Variants in SPRR2G observed in about 807,000 individuals in gnomAD.
The protein encoded by SPRR2G is small proline rich protein 2G.
In SPRR2G, 1 loss-of-function variant was observed where a neutral mutation model predicts 0.7. The ratio of observed to expected loss-of-function variants is 1.49; its 90% CI spans 0.53 to 7.06. The LOEUF is 7.06. SPRR2G is among the 30% of genes most tolerant of loss of function. The pLI, the probability that SPRR2G is intolerant of heterozygous loss-of-function variation, is 0.14. For missense variants in SPRR2G, 96 were observed against 88.5 expected, an observed-to-expected ratio of 1.09 and a Z score of -0.34; for synonymous variants, 38 against 33.9, an observed-to-expected ratio of 1.12 and a Z score of -0.42.
chr1:153,185,256 T>C, the SPRR2G span, among the ~76,000 whole-genome samples: 3 of 152,160 alleles, frequency 2.0e-5, no homozygotes, highest in Non-Finnish European at 4.4e-5. Flanking sequence ...TTTTCTATTG[T>C]TTGGAATAGT....
chr1:153,167,329 C>G, the SPRR2G span, among the ~76,000 whole-genome samples: 67 of 152,130 alleles, frequency 4.4e-4, no homozygotes, highest in Middle Eastern at 3.4e-3. Flanking sequence ...ACAAAATTAG[C>G]CAGGCGTGGT....
At chr1:153,168,899 A>AGTGTGTGT in the SPRR2G span, among the ~76,000 whole-genome samples, 175 of 91,036 alleles carry the variant, frequency 1.9e-3, 2 homozygotes, top group African/African-American at 6.4e-3. Context: ...TGTACTCATG[A>AGTGTGTGT]GTGTATGTGT....
the SPRR2G span, among the ~76,000 whole-genome samples, chr1:153,196,630 T>C: frequency 2.6e-5 from 4 of 152,172 alleles, no homozygotes; most frequent in Non-Finnish European, 5.9e-5. Flanking sequence ...CTTGTAAAGC[T>C]GGTTAAGAAA....
chr1:153,155,270 A>T (rs918240338), upstream of SPRR2G, among the ~76,000 whole-genome samples: 12 of 152,116 alleles, frequency 7.9e-5, no homozygotes, highest in African/African-American at 2.9e-4. Flanking sequence ...TCAAGTACCA[A>T]CAAGCTGATC....
the SPRR2G span, among the ~76,000 whole-genome samples, chr1:153,192,573 A>G: frequency 6.6e-6 from 1 of 152,130 alleles, no homozygotes; most frequent in Non-Finnish European, 1.5e-5. Context: ...CCTAGTCAAG[A>G]TTATAGGTTC....
chr1:153,163,633 C>G, the SPRR2G span, among the ~76,000 whole-genome samples: 1 of 152,180 alleles, frequency 6.6e-6, no homozygotes, highest in Non-Finnish European at 1.5e-5. Flanking sequence ...ATCCTCTTAA[C>G]CTTGGCATTC....
At chr1:153,161,080 C>T in the SPRR2G span, among the ~76,000 whole-genome samples, 229 of 129,856 alleles carry the variant, frequency 1.8e-3, 1 homozygote, top group African/African-American at 6.4e-3. Flanking sequence ...ATCACACACC[C>T]GGGCCTGTTG....
the SPRR2G span, among the ~76,000 whole-genome samples, chr1:153,157,333 GAT>G: frequency 1.3e-5 from 2 of 152,166 alleles, no homozygotes; most frequent in Admixed American, 1.3e-4. Context: ...GAAAGGATAT[GAT>G]ATTTGGAACT....
chr1:153,153,481 AT>A (rs1314635261), upstream of SPRR2G, among the ~76,000 whole-genome samples: 33 of 152,314 alleles, frequency 2.2e-4, no homozygotes, highest in Non-Finnish European at 1.9e-4. Flanking sequence ...TGCAAATAAA[AT>A]AAATAGTAAG....
the SPRR2G span, among the ~76,000 whole-genome samples, chr1:153,164,271 G>A: frequency 6.6e-6 from 1 of 152,156 alleles, no homozygotes; most frequent in Non-Finnish European, 1.5e-5. Flanking sequence ...CTGACTGATA[G>A]GCTGGCTCAG....
At chr1:153,154,862 C>T (rs1481937952), upstream of SPRR2G, among the ~76,000 whole-genome samples, 1 of 152,170 alleles carries the variant, frequency 6.6e-6, no homozygotes, top group African/African-American at 2.4e-5. Flanking sequence ...AGCCCACCAT[C>T]TACTGAAATT....
the SPRR2G span, among the ~76,000 whole-genome samples, chr1:153,189,538 G>C: frequency 6.6e-6 from 1 of 152,014 alleles, no homozygotes; most frequent in Admixed American, 6.6e-5. Flanking sequence ...TAGAACCATA[G>C]AAAATATTAT....
chr1:153,176,091 G>A, the SPRR2G span: 1 of 152,132 alleles, frequency 6.6e-6, no homozygotes, highest in Non-Finnish European at 1.5e-5. Context: ...TTACAGTCCG[G>A]TTCATTTCTC....
At chr1:153,150,425 A>G (rs1402144363) in intron 1 of SPRR2G, among the ~76,000 whole-genome samples, 2 of 152,192 alleles carry the variant, frequency 1.3e-5, no homozygotes, top group Non-Finnish European at 2.9e-5. Context: ...CAGATATTAA[A>G]AGTCTAGCCA....
chr1:153,198,547 G>A, the SPRR2G span, among the ~76,000 whole-genome samples: 1 of 152,144 alleles, frequency 6.6e-6, no homozygotes, highest in African/African-American at 2.4e-5. Flanking sequence ...TGTGGCTCAG[G>A]AGGTAGAATC....
At chr1:153,151,292 G>T (rs1557933702), upstream of SPRR2G, among the ~76,000 whole-genome samples, 1 of 152,162 alleles carries the variant, frequency 6.6e-6, no homozygotes, top group Non-Finnish European at 1.5e-5. Context: ...CTGCAGCCTG[G>T]CTATATCCTA....
At chr1:153,185,702 T>A in the SPRR2G span, among the ~76,000 whole-genome samples, 2 of 152,190 alleles carry the variant, frequency 1.3e-5, no homozygotes, top group African/African-American at 4.8e-5. Flanking sequence ...GTTTTTCATG[T>A]CTCTATCTCC....
At chr1:153,156,128 C>T in the SPRR2G span, among the ~76,000 whole-genome samples, 2 of 152,098 alleles carry the variant, frequency 1.3e-5, no homozygotes, top group African/African-American at 2.4e-5. Context: ...AATTGTGTTG[C>T]CTTACATGAG....
chr1:153,182,769 A>C, the SPRR2G span, among the ~76,000 whole-genome samples: 3 of 151,920 alleles, frequency 2.0e-5, no homozygotes, highest in Non-Finnish European at 4.4e-5. Context: ...TATGTGCCAC[A>C]TTTTCTTTAG....
Sources: allele counts gnomAD v4.1 joint callset (sites outside exome capture counted in the v4.1 genomes callset), GRCh38; gene constraint gnomAD v4.1.1; transcripts MANE v1.5; gene names NCBI Gene and HGNC (gene_info 2026-07-23, HGNC 2026-07-21).